Variants in SLC34A2 observed in about 807,000 individuals in gnomAD.
The protein encoded by SLC34A2 is solute carrier family 34 member 2, also known as sodium-dependent phosphate transport protein 2B.
Under a neutral mutation model 50.8 loss-of-function variants are expected in SLC34A2, and 41 were observed. The ratio of observed to expected loss-of-function variants is 0.81; its 90% CI spans 0.63 to 1.05. The LOEUF (loss-of-function observed/expected upper bound fraction) is 1.05. SLC34A2 is among the 50% of genes least tolerant of loss of function. The pLI is 0.00. For synonymous variants in SLC34A2, 401 were observed against 364.2 expected (o/e 1.10, Z -1.15); for missense variants, 879 against 876.7 (o/e 1.00, Z -0.03).
chr4:25,676,161 C>T lies in SLC34A2; in HGVS notation c.1485C>T (p.Asn495=), dbSNP rs1715097717. 6.2e-7 allele frequency: 1 copy of T among 1,614,064 alleles called. No individual in the cohort carries two copies. Among genetic ancestry groups the T allele is most frequent in the Non-Finnish European group, 8.5e-7 (1 of 1,180,060 alleles). ...TCGCCCTGTGCCACTTTTTCTTCAACATCTCCGGCATCTTGCTGTGGTACC... is the reference window on the plus strand; with the variant it reads ...TCGCCCTGTGCCACTTTTTCTTCAATATCTCCGGCATCTTGCTGTGGTACC... The part of the protein sequence containing the change: ...LQIALCHFFF[N]ISGILLWYPI... The change falls in exon 13 of 13, where the codon AAC becomes AAT. Residue 495 remains asparagine (N), a synonymous_variant. Transcript: ENST00000382051.
chr4:25,662,446 C>G, intron 1 of SLC34A2, 52 bp from the exon 2 acceptor site: 2 of 1,490,946 alleles, frequency 1.3e-6, no homozygotes. Flanking sequence ...TATAGCATCT[C>G]GGTGTGCCTC....
chr4:25,661,771 A>G (rs1214202845), intron 1 of SLC34A2, among the ~76,000 whole-genome samples: 1 of 152,168 alleles, frequency 6.6e-6, no homozygotes, highest in Admixed American at 6.6e-5. Context: ...TTTGCAGTGC[A>G]CTTGTCTTGA....
chr4:25,658,538 G>C (rs534861189), intron 1 of SLC34A2, among the ~76,000 whole-genome samples: 15 of 152,328 alleles, frequency 9.8e-5, no homozygotes, highest in Non-Finnish European at 4.4e-5. Context: ...TCCCAAGTCT[G>C]AGCCAAGTCA....
At chr4:25,666,326 T>C in intron 5 of SLC34A2, 55 bp downstream of exon 5, 1 of 1,601,544 alleles carries the variant, frequency 6.2e-7, no homozygotes, top group Non-Finnish European at 8.5e-7. Context: ...CCTGTCTATC[T>C]GAGGGTGGGA....
In SLC34A2 at chr4:25,678,744, C is replaced by G; in HGVS notation, c.*1995C>G. ...AAGGGAGAAATAAAATCATCAAACCCAAAAGGAGTGTGTTGTTTTTAATTA... is the reference window on the plus strand; with the variant it reads ...AAGGGAGAAATAAAATCATCAAACCGAAAAGGAGTGTGTTGTTTTTAATTA... On this transcript the variant is annotated 3_prime_UTR_variant, in exon 13 of 13. Coordinates refer to ENST00000382051, the MANE Select transcript of SLC34A2 (RefSeq NM_006424.3). 1 of 523,882 alleles carries G rather than the reference C, an allele frequency of 1.9e-6. No homozygotes were observed. Among genetic ancestry groups the G allele is most frequent in the Non-Finnish European group, 3.5e-6 (1 of 288,332 alleles). The allele number at this position is 523,882 out of a possible 1,614,324, so 32.5% of individuals were successfully genotyped here.
intron 1 of SLC34A2, among the ~76,000 whole-genome samples, chr4:25,661,801 T>A (rs925311743): frequency 4.6e-5 from 7 of 152,164 alleles, no homozygotes; most frequent in Non-Finnish European, 2.9e-5. Context: ...TAGATGGGGT[T>A]CCATTGAAGG....
rs201811688 is a variant in SLC34A2 at position 25,668,640 on chromosome 4, TA to T, written c.635+666del. Among the ~76,000 whole-genome samples, 457 of 141,348 alleles carry T rather than the reference TA, an allele frequency of 3.2e-3. 5 individuals are homozygous for T. Among genetic ancestry groups the T allele is most frequent in the East Asian group, 0.018 (89 of 4,978 alleles). 92.7% of individuals were successfully genotyped at this position (141,348 alleles called of 152,430 possible). A position where few individuals can be genotyped will look rare whatever the true frequency, so the allele number is the denominator to read the frequency against. ...CTGGGTGACAGAGTGAGACTCCATC[TA>T]AAAAAAAAAAAAAAAATAAATAAAT... On this transcript the variant is annotated intron_variant, in intron 6 of 12. Transcript: ENST00000382051.
At chr4:25,672,898 G>A (rs150097610) in intron 9 of SLC34A2, among the ~76,000 whole-genome samples, 189 bp from the exon 10 acceptor site, 38 of 152,268 alleles carry the variant, frequency 2.5e-4, no homozygotes, top group Non-Finnish European at 4.1e-4. Context: ...CACTGATTAT[G>A]ACATAGTTTC....
At chr4:25,663,053 C>T (rs113619405) in intron 3 of SLC34A2, among the ~76,000 whole-genome samples, 1 of 151,932 alleles carries the variant, frequency 6.6e-6, no homozygotes, top group Non-Finnish European at 1.5e-5. Flanking sequence ...TGGCTCACTG[C>T]AAGCTCTGCC....
intron 12 of SLC34A2, among the ~76,000 whole-genome samples, chr4:25,675,441 C>T (rs777240630): frequency 4.6e-5 from 7 of 152,206 alleles, no homozygotes; most frequent in Non-Finnish European, 7.3e-5. Flanking sequence ...ACCCCTATCT[C>T]ATTAGGATTA....
chr4:25,671,753 A>AG, intron 9 of SLC34A2, 32 bp downstream of exon 9: 1 of 1,614,082 alleles, frequency 6.2e-7, no homozygotes. Context: ...GGCCACTATG[A>AG]CAGGTGTTGT....
chr4:25,672,175 A>T (rs1270354865), intron 9 of SLC34A2, among the ~76,000 whole-genome samples: 1 of 152,158 alleles, frequency 6.6e-6, no homozygotes, highest in Non-Finnish European at 1.5e-5. Flanking sequence ...TTTCTACTAA[A>T]AATAATACAA....
At chr4:25,673,289 G>GGGGGA in intron 10 of SLC34A2, 35 bp downstream of exon 10, 1 of 1,610,000 alleles carries the variant, frequency 6.2e-7, no homozygotes, top group Non-Finnish European at 8.5e-7. Context: ...GGCCTCACAT[G>GGGGGA]TAGTCACTGC....
rs1239009061 is a variant in SLC34A2 at position 25,671,626 on chromosome 4, C to T, written c.953C>T (p.Ser318Leu). The change falls in exon 9 of 13, where the codon TCG becomes TTG. Residue 318 changes from serine to leucine, a missense_variant. Ser to Leu is a moderately radical substitution (Grantham distance 145, BLOSUM62 -2). Coordinates refer to ENST00000382051, the MANE Select transcript of SLC34A2 (RefSeq NM_006424.3). ...ACCCAGATTAACGTCACTGTTCCCTCGACTGCTAACTGCACCTCCCCTTCC... is the reference window on the plus strand; with the variant it reads ...ACCCAGATTAACGTCACTGTTCCCTTGACTGCTAACTGCACCTCCCCTTCC... ...NKTQINVTVPSTANCTSPSLC... is the reference protein window; with the variant it reads ...NKTQINVTVPLTANCTSPSLC... 1.9e-6 allele frequency: 3 copies of T among 1,614,152 alleles called. No homozygotes were observed. The highest frequency in any genetic ancestry group is 2.2e-5 in the East Asian group (1 of 44,866).
Position 25,658,656 on chromosome 4 carries a change from T to C in SLC34A2, c.-4+2766T>C, listed in dbSNP as rs139109662. On this transcript the variant is annotated intron_variant, in intron 1 of 12. Coordinates refer to ENST00000382051, the MANE Select transcript of SLC34A2 (RefSeq NM_006424.3). ...CAAGAGGGTGAGGCACACAGGCAAC[T>C]CGGTTATAGAGGCCAGTGTGGCAGC... Among the ~76,000 whole-genome samples, 1,244 of 152,276 alleles carry C rather than the reference T, an allele frequency of 8.2e-3. 17 individuals are homozygous for C. The highest frequency in any genetic ancestry group is 0.029 in the African/African-American group (1,204 of 41,550).
chr4:25,670,711 A>T, intron 7 of SLC34A2, 27 bp from the exon 8 acceptor site: 1 of 1,582,740 alleles, frequency 6.3e-7, no homozygotes, highest in Non-Finnish European at 8.7e-7. Flanking sequence ...GGATATGCTG[A>T]TGGTTTCCTG....
intron 4 of SLC34A2, among the ~76,000 whole-genome samples, 194 bp downstream of exon 4, chr4:25,664,524 T>C (rs1714387205): frequency 6.6e-6 from 1 of 152,238 alleles, no homozygotes; most frequent in South Asian, 2.1e-4. Flanking sequence ...CAAAGGGCTA[T>C]GACTTGGCCC....
chr4:25,677,858 A>C lies in SLC34A2; in HGVS notation c.*1109A>C, dbSNP rs1427348811. 6.6e-6 allele frequency: 1 copy of C among 151,934 alleles called. No individual in the cohort carries two copies. The highest frequency in any genetic ancestry group is 1.9e-4 in the East Asian group (1 of 5,180). 9.4% of individuals were successfully genotyped at this position (151,934 alleles called of 1,614,324 possible). A position where few individuals can be genotyped will look rare whatever the true frequency, so the allele number is the denominator to read the frequency against. On this transcript the variant is annotated 3_prime_UTR_variant, in exon 13 of 13. Coordinates refer to ENST00000382051, the MANE Select transcript of SLC34A2 (RefSeq NM_006424.3). ...TTTCCAAACATTTTTCCATTTTCCC[A>C]CAGATGGGCTTTGATTAGCTGTCCT...
At position 25,673,117 on chromosome 4, in the gene SLC34A2, C is replaced by T. The variant is rs138755203; in HGVS notation, c.1079C>T (p.Pro360Leu). ...CQHIFVNFHL[P>L]DLAVGTILLI... ...CATATCTTTGTGAATTTCCACCTCC[C>T]GGATCTTGCTGTGGGCACCATCTTG... is the stretch of plus-strand genomic sequence containing the variant. Residue 360 changes from proline (P) to leucine (L), a missense_variant, in exon 10 of 13, where the codon CCG (proline) becomes CTG (leucine). Coordinates refer to ENST00000382051, the MANE Select transcript of SLC34A2 (RefSeq NM_006424.3). The T allele has an allele frequency of 4.0e-5, 64 of 1,614,158 alleles. No homozygotes were observed. Among genetic ancestry groups the T allele is most frequent in the Admixed American group, 2.8e-4 (17 of 60,010 alleles).
Sources: gnomAD v4.1 joint callset for allele counts (sites outside exome capture counted in the v4.1 genomes callset) on GRCh38, gnomAD v4.1.1 for gene constraint, MANE v1.5 for transcripts, NCBI Gene and HGNC (gene_info 2026-07-23, HGNC 2026-07-21) for gene names.